Variants in IL18BP observed in about 807,000 individuals in gnomAD.
IL18BP encodes the protein interleukin 18 binding protein.
A neutral mutation model predicts 19.9 loss-of-function variants in IL18BP; 23 were observed. The ratio of observed to expected loss-of-function variants is 1.15; its 90% confidence interval spans 0.83 to 1.64. The LOEUF (loss-of-function observed/expected upper bound fraction) is 1.64, where lower values mean the gene tolerates loss of function less well. Ranked by LOEUF, IL18BP falls within the 40% of genes most tolerant of loss-of-function variation. IL18BP has a pLI of 0.00. For synonymous variants in IL18BP, 107 were observed against 101.0 expected (o/e 1.06, Z -0.35); for missense variants, 239 against 240.7 (o/e 0.99, Z 0.05).
At chr11:72,006,572 A>G (rs1955728174), downstream of IL18BP, among the ~76,000 whole-genome samples, 1 of 152,220 alleles carries the variant, frequency 6.6e-6, no homozygotes, top group South Asian at 2.1e-4. Context: ...TAAAGTGACT[A>G]GCCCCAAATC....
At chr11:72,000,280 G>T in intron 2 of IL18BP, 71 bp from the exon 3 acceptor site, 1 of 1,359,064 alleles carries the variant, frequency 7.4e-7, no homozygotes. Context: ...TCTCTGGGCT[G>T]GAGTTACATC....
chr11:72,001,547 C>G lies in IL18BP; in HGVS notation c.502C>G (p.Leu168Val), dbSNP rs369637278. 6.2e-7 allele frequency: 1 copy of G among 1,611,796 alleles called. No individual in the cohort carries two copies. Among genetic ancestry groups the G allele is most frequent in the African/African-American group, 1.3e-5 (1 of 75,012 alleles). The part of the protein sequence containing the change: ...VVQRHVVLAQ[L>V]WAGLRATLPP... ...CCAGCGTCACGTCGTCCTGGCCCAG[C>G]TCTGGGTGAGGAGCCCAAGGAGAGG... Residue 168 changes from leucine to valine, a missense_variant, in exon 5 of 6, where the codon CTC becomes GTC. Coordinates refer to ENST00000393703, the MANE Select transcript of IL18BP (RefSeq NM_001039660.2).
In IL18BP at chr11:72,001,214, C is replaced by T. The variant is rs762759876; in HGVS notation, c.249C>T (p.Ser83=). 2.5e-6 allele frequency: 4 copies of T among 1,614,052 alleles called. No homozygotes were observed. In the African/African-American group the frequency reaches 4.0e-5, roughly 16 times the overall value. The change falls in exon 4 of 6, where the codon AGC becomes AGT. Residue 83 remains serine, a synonymous_variant. Transcript: ENST00000393703. The part of the protein sequence containing the change: ...EVEVPLNGTL[S]LSCVACSRFP... ...CTGTGTCCCTAGATGGAACGCTGAG[C>T]TTATCCTGTGTGGCCTGCAGCCGCT...
At position 71,999,966 on chromosome 11, in the gene IL18BP, A is replaced by G. The variant is rs1955124049; in HGVS notation, c.-19A>G. On this transcript the variant is annotated 5_prime_UTR_variant, in exon 2 of 6. Transcript: ENST00000393703. ...TCACAGATAAAGAGCCAGGCTCACC[A>G]GCTCCTGACGCATGCATCATGACCA... 6.2e-7 allele frequency: 1 copy of G among 1,613,600 alleles called. No individual in the cohort carries two copies. The highest frequency in any genetic ancestry group is 1.7e-5 in the Admixed American group (1 of 59,982).
downstream of IL18BP, chr11:72,003,223 C>G (rs1318726956): frequency 2.1e-6 from 1 of 465,992 alleles, no homozygotes; most frequent in Non-Finnish European, 3.9e-6. Flanking sequence ...CCCAAGGACC[C>G]AGCCATCAAA....
chr11:72,001,114 G>T (rs185847207), intron 3 of IL18BP, 87 bp from the exon 4 acceptor site: 2 of 1,523,852 alleles, frequency 1.3e-6, no homozygotes, highest in East Asian at 2.3e-5. Flanking sequence ...CATGGGGACT[G>T]GGGGGAGCTG....
downstream of IL18BP, chr11:72,007,346 G>C: frequency 6.2e-7 from 1 of 1,613,732 alleles, no homozygotes; most frequent in East Asian, 2.2e-5. Context: ...ACTCTCCAGG[G>C]ATTCTACCTT....
downstream of IL18BP, chr11:72,004,450 T>G: frequency 8.1e-7 from 1 of 1,231,594 alleles, no homozygotes. Flanking sequence ...ACGTGCAACC[T>G]GCTCCCCTTC....
intron 3 of IL18BP, 68 bp downstream of exon 3, chr11:72,000,625 G>A: frequency 7.5e-7 from 1 of 1,341,260 alleles, no homozygotes; most frequent in Non-Finnish European, 1.0e-6. Flanking sequence ...TGACTCCTGA[G>A]CGCCAGTCCC....
downstream of IL18BP, chr11:72,003,383 G>A (rs978536746): frequency 2.5e-6 from 2 of 801,548 alleles, no homozygotes; most frequent in African/African-American, 1.7e-5. Flanking sequence ...CCAGGCCAGG[G>A]TGCGGGCAGG....
At chr11:72,000,073 G>A in intron 2 of IL18BP, 61 bp downstream of exon 2, 1 of 1,574,458 alleles carries the variant, frequency 6.4e-7, no homozygotes, top group Non-Finnish European at 8.7e-7. Context: ...ACAGAATGGA[G>A]CAATGGGCTA....
intron 2 of IL18BP, 143 bp downstream of exon 2, chr11:72,000,155 A>G: frequency 1.0e-6 from 1 of 960,100 alleles, no homozygotes; most frequent in South Asian, 1.5e-5. Flanking sequence ...CTGGGCAGAT[A>G]TTGTAGCTCT....
chr11:72,004,240 T>C (rs751146730), downstream of IL18BP: 2 of 1,611,534 alleles, frequency 1.2e-6, no homozygotes, highest in East Asian at 2.2e-5. Context: ...TAGTAGAAGC[T>C]GGAGCTGCTT....
In IL18BP at chr11:72,002,755, G is replaced by A. The variant is rs959607460; in HGVS notation, c.*894G>A. 2.2e-5 allele frequency: 4 copies of A among 181,568 alleles called. No homozygotes were observed. The highest frequency in any genetic ancestry group is 6.3e-5 in the Admixed American group (1 of 15,932). The allele number at this position is 181,568 out of a possible 1,614,324, so 11.2% of individuals were successfully genotyped here. ...AGAGCCTGGAAAGATGTGGCCTCAG[G>A]AAAAGGGATGAGAGAAAGGAGGTGG... On this transcript the variant is annotated 3_prime_UTR_variant, in exon 6 of 6. Transcript: ENST00000393703.
At chr11:72,005,978 C>T, downstream of IL18BP, 2 of 1,388,448 alleles carry the variant, frequency 1.4e-6, no homozygotes, top group Non-Finnish European at 2.0e-6. Flanking sequence ...TTCCCTGTGC[C>T]ACGATCCACC....
At position 72,001,837 on chromosome 11, in the gene IL18BP, C is replaced by T; in HGVS notation, c.561C>T (p.His187=). Residue 187 remains histidine, a synonymous_variant, in exon 6 of 6, where the codon CAC becomes CAT. Coordinates refer to ENST00000393703, the MANE Select transcript of IL18BP (RefSeq NM_001039660.2). The stretch of plus-strand genomic sequence containing the variant: ...CCCAAGAAGCCCTGCCCTCCAGCCA[C>T]AGCAGTCCACAGCAGCAGGGTTAAG... ...PPTQEALPSS[H]SSPQQQG is the part of the protein sequence containing the mutation. 1 of 1,614,174 alleles carries T rather than the reference C, an allele frequency of 6.2e-7. No homozygotes were observed. The highest frequency in any genetic ancestry group is 8.5e-7 in the Non-Finnish European group (1 of 1,180,028).
In IL18BP at chr11:72,002,037, A is replaced by C; in HGVS notation, c.*176A>C. The C allele has an allele frequency of 2.4e-6, 2 of 844,104 alleles. No individual in the cohort carries two copies. The allele number at this position is 844,104 out of a possible 1,614,324, so 52.3% of individuals were successfully genotyped here. On this transcript the variant is annotated 3_prime_UTR_variant, in exon 6 of 6. Transcript: ENST00000393703. ...ATTCAAACTCCATTCCCACCTACCT[A>C]GAAAATCACAGCCTCCTTATAATGC...
rs189514886 is a variant in IL18BP, at chr11:72,000,389, G to A, written c.67G>A (p.Val23Ile). 1.7e-4 allele frequency: 276 copies of A among 1,613,934 alleles called. 5 individuals carry two copies. In the East Asian group the frequency reaches 3.7e-3, roughly 22 times the overall value. ...GTGGGTCCTGCTCCTGTGTGCCCAC[G>A]TCGTCACTCTCCTGGTCAGAGCCAC... ...PLWVLLLCAH[V>I]VTLLVRATPV... Residue 23 changes from valine (V) to isoleucine (I), a missense_variant, in exon 3 of 6, where the codon GTC becomes ATC. By Grantham distance (29) the Val-to-Ile change is conservative (BLOSUM62 3). Coordinates refer to ENST00000393703, the MANE Select transcript of IL18BP (RefSeq NM_001039660.2).
downstream of IL18BP, chr11:72,006,056 C>A (rs1955665645): frequency 6.2e-7 from 1 of 1,612,976 alleles, no homozygotes; most frequent in African/African-American, 1.3e-5. Flanking sequence ...CCACTGGACA[C>A]CCCGGCCTGG....
Sources: allele counts gnomAD v4.1 joint callset (sites outside exome capture counted in the v4.1 genomes callset), GRCh38; gene constraint gnomAD v4.1.1; transcripts MANE v1.5; gene names NCBI Gene and HGNC (gene_info 2026-07-23, HGNC 2026-07-21).